The following KIF24 variants were observed in gnomAD, a reference collection of about 807,000 sequenced individuals.
The protein encoded by KIF24 is kinesin-like protein KIF24.
Under a neutral mutation model 118.9 loss-of-function variants are expected in KIF24, and 81 were observed. That is an observed-to-expected ratio of 0.68 (90% CI 0.57 to 0.82). The LOEUF (loss-of-function observed/expected upper bound fraction) is 0.82. KIF24 is among the 40% of genes least tolerant of loss of function. The pLI, the probability that KIF24 is intolerant of heterozygous loss-of-function variation, is 0.00. For missense variants in KIF24, 1,560 were observed against 1,661.6 expected (o/e 0.94, Z 1.06); for synonymous variants, 599 against 610.0 (o/e 0.98, Z 0.27).
intron 6 of KIF24, among the ~76,000 whole-genome samples, chr9:34,280,864 G>A (rs995338701): frequency 2.0e-5 from 3 of 151,962 alleles, no homozygotes; most frequent in Non-Finnish European, 4.4e-5. Flanking sequence ...CCATGCCACT[G>A]CACACACCCA....
intron 4 of KIF24, among the ~76,000 whole-genome samples, 187 bp downstream of exon 4, chr9:34,296,830 T>G (rs1385257381): frequency 6.6e-6 from 1 of 152,176 alleles, no homozygotes; most frequent in Non-Finnish European, 1.5e-5. Flanking sequence ...TTACTGCAAA[T>G]TTCTAAATCC....
At position 34,256,152 on chromosome 9, in the gene KIF24, T is replaced by A. The variant is rs1478181272; in HGVS notation, c.3455A>T (p.Glu1152Val). 1 of 1,605,372 alleles carries A rather than the reference T, an allele frequency of 6.2e-7. No homozygotes were observed. Among genetic ancestry groups the A allele is most frequent in the Non-Finnish European group, 8.5e-7 (1 of 1,173,734 alleles). The change falls in exon 11 of 13, where the codon GAG becomes GTG. Residue 1152 changes from glutamate (E) to valine (V), a missense_variant. Glu to Val is a moderately radical substitution (Grantham distance 121). Coordinates refer to ENST00000402558, the MANE Select transcript of KIF24 (RefSeq NM_194313.4). ...KLPSREADLG[E>V]ACQSRETVLF... is the part of the protein sequence containing the mutation. ...TACAGTCTCTCTGCTCTGGCAGGCC[T>A]CTCCTAGGTCTGCCTCCCTGCTGGG...
intron 3 of KIF24, among the ~76,000 whole-genome samples, chr9:34,302,772 C>T (rs1836771270): frequency 6.9e-6 from 1 of 144,996 alleles, no homozygotes; most frequent in South Asian, 2.2e-4. Flanking sequence ...TCACCACCAG[C>T]TAATTTTTTT....
intron 10 of KIF24, among the ~76,000 whole-genome samples, chr9:34,258,577 G>T (rs1834942718): frequency 6.6e-6 from 1 of 152,172 alleles, no homozygotes; most frequent in Non-Finnish European, 1.5e-5. Flanking sequence ...CCCATGTAAG[G>T]GACAGGCCAG....
chr9:34,306,393 G>C lies in KIF24; in HGVS notation c.672C>G (p.Ile224Met). Reference protein sequence around the residue: ...KQNPWTEMEKIRVCVRKRPLG... With the variant: ...KQNPWTEMEKMRVCVRKRPLG... ...GGGGGCGTTTTCGAACACAAACTCT[G>C]ATTTTCTCCATCTCAGTCCAAGGAT... The change falls in exon 3 of 13, where the codon ATC becomes ATG. Residue 224 changes from isoleucine to methionine, a missense_variant. Physicochemically the swap from Ile to Met is conservative, Grantham distance 10. This residue lies in a region of KIF24 where 964 missense variants were observed against 988.0 expected (regional missense o/e 0.98). Transcript: ENST00000402558. 1 of 1,612,428 alleles carries C rather than the reference G, an allele frequency of 6.2e-7. No homozygotes were observed. Among genetic ancestry groups the C allele is most frequent in the Non-Finnish European group, 8.5e-7 (1 of 1,179,192 alleles).
intron 6 of KIF24, among the ~76,000 whole-genome samples, chr9:34,277,841 C>CT (rs1835711587): frequency 6.6e-6 from 1 of 152,164 alleles, no homozygotes; most frequent in Non-Finnish European, 1.5e-5. Flanking sequence ...TTGTAAATGA[C>CT]ATACACAACT....
At chr9:34,320,445 A>G (rs10972058) in intron 1 of KIF24, among the ~76,000 whole-genome samples, 105,845 of 151,052 alleles carry the variant, frequency 0.7, 39,111 homozygotes, top group East Asian at 0.95. Context: ...ATCACCTGAG[A>G]TCAGGGGTTC....
At chr9:34,255,688 G>C (rs772554879) in intron 11 of KIF24, 47 bp downstream of exon 11, 6 of 1,486,586 alleles carry the variant, frequency 4.0e-6, no homozygotes, top group Non-Finnish European at 5.5e-6. Flanking sequence ...TGGAGTGGAG[G>C]GTGGGTGCCA....
At chr9:34,305,631 C>T (rs920466008) in intron 3 of KIF24, among the ~76,000 whole-genome samples, 2 of 152,104 alleles carry the variant, frequency 1.3e-5, no homozygotes, top group African/African-American at 4.8e-5. Context: ...AGAGGCAGAT[C>T]CTCCCTCTGT....
intron 4 of KIF24, among the ~76,000 whole-genome samples, chr9:34,294,059 G>A (rs1231865057): frequency 3.9e-5 from 6 of 151,942 alleles, no homozygotes; most frequent in Non-Finnish European, 8.8e-5. Flanking sequence ...TGATCTCTTG[G>A]GCTCAAGCAA....
chr9:34,271,982 T>C (rs1475723389), intron 6 of KIF24, 52 bp from the exon 7 acceptor site: 1 of 1,527,638 alleles, frequency 6.5e-7, no homozygotes, highest in Admixed American at 2.1e-5. Context: ...CAAAAGCCTC[T>C]GGCTACTAAG....
intron 3 of KIF24, among the ~76,000 whole-genome samples, chr9:34,304,827 A>G (rs1836852337): frequency 6.6e-6 from 1 of 152,238 alleles, no homozygotes; most frequent in South Asian, 2.1e-4. Flanking sequence ...AAATCACTTC[A>G]GCATTAAAGG....
At position 34,255,938 on chromosome 9, in the gene KIF24, C is replaced by G; in HGVS notation, c.3669G>C (p.Glu1223Asp). 1 of 1,614,026 alleles carries G rather than the reference C, an allele frequency of 6.2e-7. No homozygotes were observed. Among genetic ancestry groups the G allele is most frequent in the Non-Finnish European group, 8.5e-7 (1 of 1,179,880 alleles). ...AACCAAGCCTTGTAGGATGTTTTCT[C>G]TCCTGGGCCCAGAGCTGGTCAGCCA... ...SDVADQLWAQ[E>D]RKHPTRLGWQ... Residue 1223 changes from glutamate to aspartate, a missense_variant, in exon 11 of 13, where the codon GAG (glutamate) becomes GAC (aspartate). Coordinates refer to ENST00000402558, the MANE Select transcript of KIF24 (RefSeq NM_194313.4).
intron 6 of KIF24, among the ~76,000 whole-genome samples, chr9:34,276,080 A>C (rs1835650409): frequency 6.6e-6 from 1 of 152,124 alleles, no homozygotes; most frequent in African/African-American, 2.4e-5. Flanking sequence ...TGGGGCACTT[A>C]CAATAAATTC....
chr9:34,265,802 A>G (rs547724354), intron 8 of KIF24, among the ~76,000 whole-genome samples: 42 of 152,230 alleles, frequency 2.8e-4, no homozygotes, highest in African/African-American at 1.0e-3. Context: ...GAAAAAAGAG[A>G]CAAATAAACA....
chr9:34,296,693 G>A (rs1836493566), intron 4 of KIF24, among the ~76,000 whole-genome samples: 1 of 151,450 alleles, frequency 6.6e-6, no homozygotes, highest in South Asian at 2.1e-4. Context: ...TTCTTCTGAG[G>A]ACTTTGATGG....
Position 34,255,124 on chromosome 9 carries a change from ATT to A in KIF24, c.3912_3913del (p.Glu1304AspfsTer3). 6.3e-7 allele frequency: 1 copy of A among 1,595,336 alleles called. No individual in the cohort carries two copies. Among genetic ancestry groups the A allele is most frequent in the Non-Finnish European group, 8.5e-7 (1 of 1,170,658 alleles). ...CTCCTCCTTGAAGCCGAGCTCAGCC[ATT>A]TCATCCAGCTGTTCCTGGTGTGCTC... On this transcript the variant is annotated frameshift_variant, in exon 12 of 13. Transcript: ENST00000402558. LOFTEE classifies it high-confidence loss of function.
intron 1 of KIF24, among the ~76,000 whole-genome samples, chr9:34,328,075 G>T (rs1176905180): frequency 6.6e-6 from 1 of 152,096 alleles, no homozygotes; most frequent in Non-Finnish European, 1.5e-5. Flanking sequence ...TTTGATATAA[G>T]GAGCAATCAC....
rs760404769 is a variant in KIF24, at chr9:34,310,751, T to C, written c.596A>G (p.Asn199Ser). 3.7e-6 allele frequency: 6 copies of C among 1,608,254 alleles called. No homozygotes were observed. Among genetic ancestry groups the C allele is most frequent in the Admixed American group, 1.7e-5 (1 of 59,148 alleles). Residue 199 changes from asparagine (N) to serine (S), a missense_variant, in exon 2 of 13, where the codon AAC becomes AGC. By Grantham distance (46) the Asn-to-Ser change is conservative (BLOSUM62 1). Transcript: ENST00000402558. ...GATACAAGAATGAGGGATTCCATAG[T>C]TATACCCTGAAACATGAGAGATTCT... ...IQRISHVSGYNYGIPHSCIRQ... is the reference protein window; with the variant it reads ...IQRISHVSGYSYGIPHSCIRQ...
Sources: allele counts gnomAD v4.1 joint callset (sites outside exome capture counted in the v4.1 genomes callset), GRCh38; gene constraint gnomAD v4.1.1; regional missense constraint gnomAD v4.1.1; transcripts MANE v1.5; gene names NCBI Gene and HGNC (gene_info 2026-07-23, HGNC 2026-07-21).